Variants in KCNQ4 observed in about 807,000 individuals in gnomAD.
The protein encoded by KCNQ4 is potassium voltage-gated channel subfamily KQT member 4.
KCNQ4 carries 31 observed loss-of-function variants against 72.6 expected under a neutral mutation model. The observed-to-expected ratio is 0.43, with a 90% CI of 0.32 to 0.58. The LOEUF is 0.58. KCNQ4 is among the 20% of genes least tolerant of loss of function. The probability of loss-of-function intolerance (pLI) is 0.08; values close to 1 mark genes in which losing one functional copy is unlikely to be tolerated. For synonymous variants in KCNQ4, 405 were observed against 403.7 expected (o/e 1.00, Z -0.04); for missense variants, 869 against 962.6 (o/e 0.90, Z 1.29).
chr1:40,786,722 C>T (rs930196423), intron 1 of KCNQ4, among the ~76,000 whole-genome samples: 2 of 152,076 alleles, frequency 1.3e-5, no homozygotes, highest in South Asian at 4.1e-4. Flanking sequence ...AAACCCCAAC[C>T]TTGCGGCCTC....
intron 1 of KCNQ4, among the ~76,000 whole-genome samples, chr1:40,808,771 A>T (rs938378515): frequency 6.6e-6 from 1 of 151,818 alleles, no homozygotes; most frequent in African/African-American, 2.4e-5. Context: ...GTCTCCCCGC[A>T]TCTTCAACTT....
At chr1:40,831,463 T>C (rs1028829206) in intron 10 of KCNQ4, among the ~76,000 whole-genome samples, 159 bp downstream of exon 10, 1 of 152,206 alleles carries the variant, frequency 6.6e-6, no homozygotes, top group Non-Finnish European at 1.5e-5. Context: ...ATGGGCATTA[T>C]AATATTTGCT....
In KCNQ4 at chr1:40,818,168, T is replaced by C. The variant is rs1259956754; in HGVS notation, c.410T>C (p.Phe137Ser). ...LANECLLILE[F>S]VMIVVFGLEY... ...CTCAGGCCCCTGGTCCCACAGGAAT[T>C]CGTGATGATCGTGGTTTTCGGCTTG... Residue 137 changes from phenylalanine to serine, a missense_variant, in exon 3 of 14, where the codon TTC (phenylalanine) becomes TCC (serine). By Grantham distance (155) the Phe-to-Ser change is radical. Around this residue, in one of 5 missense-constraint regions of KCNQ4, gnomAD observed 179 missense variants for 243.0 expected, o/e 0.74. Coordinates refer to ENST00000347132, the MANE Select transcript of KCNQ4 (RefSeq NM_004700.4). 1.2e-6 allele frequency: 2 copies of C among 1,613,904 alleles called. No individual in the cohort carries two copies. Among genetic ancestry groups the C allele is most frequent in the Admixed American group, 3.3e-5 (2 of 60,012 alleles).
chr1:40,831,051 C>G, intron 9 of KCNQ4, 33 bp from the exon 10 acceptor site: 1 of 1,546,626 alleles, frequency 6.5e-7, no homozygotes, highest in Non-Finnish European at 8.8e-7. Flanking sequence ...CTCTGGCTAA[C>G]TTGGCTCTCT....
chr1:40,835,040 G>T lies in KCNQ4; in HGVS notation c.1687G>T (p.Glu563Ter). The change falls in exon 12 of 14, where the codon GAG becomes TAG. Residue 563 changes from glutamate (E) to a stop codon, truncating the protein, a stop_gained. Coordinates refer to ENST00000347132, the MANE Select transcript of KCNQ4 (RefSeq NM_004700.4). LOFTEE classifies it high-confidence loss of function. The stretch of plus-strand genomic sequence containing the variant: ...ACCGTACGACGTGAAGGACGTCATT[G>T]AGCAGTACTCAGCAGGCCACCTGGA... ...LRPYDVKDVI[E>*]QYSAGHLDML... 1 of 1,614,096 alleles carries T rather than the reference G, an allele frequency of 6.2e-7. No homozygotes were observed. The highest frequency in any genetic ancestry group is 2.2e-5 in the East Asian group (1 of 44,870).
intron 1 of KCNQ4, among the ~76,000 whole-genome samples, chr1:40,792,222 G>C (rs1274207966): frequency 6.6e-6 from 1 of 152,170 alleles, no homozygotes; most frequent in East Asian, 1.9e-4. Flanking sequence ...GGGGCAGGGA[G>C]AGAAAGGAAA....
chr1:40,819,176 C>T (rs1465769888), intron 4 of KCNQ4, among the ~76,000 whole-genome samples, 171 bp from the exon 5 acceptor site: 1 of 149,774 alleles, frequency 6.7e-6, no homozygotes, highest in African/African-American at 2.5e-5. Context: ...GGAGTGCTGG[C>T]GGTTTCGCGA....
rs56173856 is a variant in KCNQ4, at chr1:40,822,261, G to A, written c.1042-53G>A. 4,292 of 1,422,300 alleles carry A rather than the reference G, an allele frequency of 3.0e-3. 12 individuals carry two copies. The highest frequency in any genetic ancestry group is 3.9e-3 in the Non-Finnish European group (3,937 of 1,006,808). 88.1% of individuals were successfully genotyped at this position (1,422,300 alleles called of 1,614,324 possible). A position where few individuals can be genotyped will look rare whatever the true frequency, so the allele number is the denominator to read the frequency against. ...GTTCTTTCAGGGGAGAGGGCTGGTG[G>A]GGACTGAGAGGCCTCACTGATGCCC... On this transcript the variant is annotated intron_variant, in intron 7 of 13. Coordinates refer to ENST00000347132, the MANE Select transcript of KCNQ4 (RefSeq NM_004700.4).
chr1:40,829,994 C>CA (rs1232379107), intron 9 of KCNQ4, among the ~76,000 whole-genome samples: 1 of 152,216 alleles, frequency 6.6e-6, no homozygotes, highest in African/African-American at 2.4e-5. Context: ...TGTTTTCCTC[C>CA]AACGTTTGGG....
At position 40,834,949 on chromosome 1, in the gene KCNQ4, A is replaced by G; in HGVS notation, c.1614-18A>G. ...CTGCTCTAACAGGACACTCCCTCTG[A>G]GCCCCCTCCCCCAACAGGATTCTCA... On this transcript the variant is annotated intron_variant, in intron 11 of 13. Coordinates refer to ENST00000347132, the MANE Select transcript of KCNQ4 (RefSeq NM_004700.4). The G allele has an allele frequency of 1.9e-6, 3 of 1,612,656 alleles. No individual in the cohort carries two copies. Among genetic ancestry groups the G allele is most frequent in the Non-Finnish European group, 2.5e-6 (3 of 1,179,092 alleles).
chr1:40,803,670 A>G (rs1647651366), intron 1 of KCNQ4, among the ~76,000 whole-genome samples: 2 of 152,226 alleles, frequency 1.3e-5, no homozygotes, highest in South Asian at 4.1e-4. Context: ...TCACACAGCA[A>G]GCCTTTTCCA....
chr1:40,800,802 G>A (rs1397703223), intron 1 of KCNQ4, among the ~76,000 whole-genome samples: 1 of 152,238 alleles, frequency 6.6e-6, no homozygotes, highest in African/African-American at 2.4e-5. Flanking sequence ...AGAATAGTGT[G>A]AGAAGGGGTG....
rs969994170 is a variant in KCNQ4 at position 40,838,597 on chromosome 1, G to A, written c.*74G>A. The stretch of plus-strand genomic sequence containing the variant: ...GCTCCGACTGCCCTCTGAGGCCTCC[G>A]GACTCCTCTCGTACTTGAACTCACT... On this transcript the variant is annotated 3_prime_UTR_variant, in exon 14 of 14. Coordinates refer to ENST00000347132, the MANE Select transcript of KCNQ4 (RefSeq NM_004700.4). 5 of 1,355,800 alleles carry A rather than the reference G, an allele frequency of 3.7e-6. No homozygotes were observed. Among genetic ancestry groups the A allele is most frequent in the Non-Finnish European group, 5.3e-6 (5 of 947,134 alleles). 84.0% of individuals were successfully genotyped at this position (1,355,800 alleles called of 1,614,324 possible).
chr1:40,809,921 C>T (rs1483750987), intron 1 of KCNQ4, among the ~76,000 whole-genome samples: 6 of 151,940 alleles, frequency 3.9e-5, no homozygotes, highest in South Asian at 2.1e-4. Flanking sequence ...AAAACTTAGC[C>T]GGGCGTGGTG....
rs1462364662 is a variant in KCNQ4 at position 40,794,213 on chromosome 1, C to CAA, written c.314+9806_314+9807insAA. Among the ~76,000 whole-genome samples, 1 of 152,116 alleles carries CAA rather than the reference C, an allele frequency of 6.6e-6. No individual in the cohort carries two copies. The highest frequency in any genetic ancestry group is 1.9e-4 in the East Asian group (1 of 5,188). On this transcript the variant is annotated intron_variant, in intron 1 of 13. Coordinates refer to ENST00000347132, the MANE Select transcript of KCNQ4 (RefSeq NM_004700.4). This position sits in a 1 kb window ranked among gnomAD's most constrained non-coding sequence, Gnocchi z 4.2. ...GACTTCCTTCCCCTCACTCCTTTGC[C>CAA]CCAAGACCTGCAGAGCACAGGGCCT...
At chr1:40,793,037 C>T (rs1647318089) in intron 1 of KCNQ4, among the ~76,000 whole-genome samples, 1 of 137,222 alleles carries the variant, frequency 7.3e-6, no homozygotes, top group Non-Finnish European at 1.5e-5. Context: ...AGCAGGGCCT[C>T]ACTCTGTCAC....
intron 1 of KCNQ4, among the ~76,000 whole-genome samples, chr1:40,813,872 C>G (rs141287267): frequency 6.6e-6 from 1 of 151,554 alleles, no homozygotes; most frequent in Admixed American, 6.6e-5. Context: ...CTCAGCCTCC[C>G]GAGTAGCTGG....
intron 9 of KCNQ4, among the ~76,000 whole-genome samples, chr1:40,830,656 G>A (rs1321772332): frequency 6.6e-6 from 1 of 152,122 alleles, no homozygotes; most frequent in East Asian, 1.9e-4. Context: ...ACCTCCGTGT[G>A]CATGGCCAGG....
chr1:40,811,421 C>T (rs1023826796), intron 1 of KCNQ4, among the ~76,000 whole-genome samples: 1 of 152,208 alleles, frequency 6.6e-6, no homozygotes, highest in African/African-American at 2.4e-5. Flanking sequence ...CCCATAACAG[C>T]AGCAATAGTA....
Sources: gnomAD v4.1 joint callset for allele counts (sites outside exome capture counted in the v4.1 genomes callset) on GRCh38, gnomAD v4.1.1 for gene constraint, gnomAD v4.1.1 regional missense constraint, Gnocchi (gnomAD v3.1) non-coding constraint, MANE v1.5 for transcripts, NCBI Gene and HGNC (gene_info 2026-07-23, HGNC 2026-07-21) for gene names.